Variants in ATG7 observed in about 807,000 individuals in gnomAD.
ATG7 encodes the protein ubiquitin-like modifier-activating enzyme ATG7.
Under a neutral mutation model 82.4 loss-of-function variants are expected in ATG7, and 70 were observed. That is an observed-to-expected ratio of 0.85 (90% CI 0.70 to 1.04). The LOEUF is 1.04. Ranked by LOEUF, ATG7 falls within the 50% of genes least tolerant of loss-of-function variation. ATG7 has a pLI of 0.00. For missense variants in ATG7, 792 were observed against 864.3 expected (o/e 0.92, Z 1.05); for synonymous variants, 287 against 313.0 (o/e 0.92, Z 0.88).
At chr3:11,285,254 A>G (rs960097408) in intron 3 of ATG7, among the ~76,000 whole-genome samples, 1 of 142,090 alleles carries the variant, frequency 7.0e-6, no homozygotes, top group African/African-American at 2.7e-5. Context: ...ATCACGGCTC[A>G]CTGCAGACTC....
chr3:11,514,085 AGTTT>A (rs2092182271), intron 20 of ATG7, among the ~76,000 whole-genome samples: 1 of 152,148 alleles, frequency 6.6e-6, no homozygotes, highest in Non-Finnish European at 1.5e-5. Flanking sequence ...CACTGTGTTT[AGTTT>A]AACACATGAC....
the ATG7 span, chr3:11,565,001 T>C: frequency 6.7e-7 from 1 of 1,501,124 alleles, no homozygotes; most frequent in Non-Finnish European, 8.9e-7. This position sits in a 1 kb window ranked among gnomAD's most constrained non-coding sequence, Gnocchi z 4.1. Context: ...TGCGGCAGTC[T>C]CCATTGGCAG....
At chr3:11,538,676 C>CT (rs1428344899) in intron 20 of ATG7, among the ~76,000 whole-genome samples, 2 of 31,898 alleles carry the variant, frequency 6.3e-5, no homozygotes, top group African/African-American at 1.3e-4. Flanking sequence ...AACTCCGTCT[C>CT]TAAAAAAAAA....
intron 20 of ATG7, among the ~76,000 whole-genome samples, chr3:11,465,223 G>A (rs915328335): frequency 1.3e-5 from 2 of 151,900 alleles, no homozygotes; most frequent in Non-Finnish European, 2.9e-5. Flanking sequence ...TTGGGAGGCC[G>A]AGGCGTGTGG....
Position 11,299,432 on chromosome 3 carries a change from T to C in ATG7, c.215+16T>C. On this transcript the variant is annotated intron_variant, in intron 5 of 20. Coordinates refer to ENST00000693202, the MANE Select transcript of ATG7 (RefSeq NM_001349232.2). ...CTTTTGACATGTGAGTATTTATTTG[T>C]TCAAAATCTGAAGTAAAGAATACTA... The C allele has an allele frequency of 1.2e-5, 19 of 1,600,968 alleles. No homozygotes were observed. Among genetic ancestry groups the C allele is most frequent in the East Asian group, 2.2e-5 (1 of 44,826 alleles).
intron 15 of ATG7, among the ~76,000 whole-genome samples, chr3:11,359,118 A>T (rs1461811243): frequency 6.6e-6 from 1 of 152,152 alleles, no homozygotes; most frequent in East Asian, 1.9e-4. Flanking sequence ...ATAAACATTG[A>T]TATGTATTTT....
chr3:11,552,616 C>T (rs964158326), intron 20 of ATG7, among the ~76,000 whole-genome samples: 8 of 152,184 alleles, frequency 5.3e-5, no homozygotes, highest in Admixed American at 2.0e-4. Flanking sequence ...GTGGAGAGCC[C>T]GTCCCTGCCC....
At chr3:11,562,702 T>C in the ATG7 span, among the ~76,000 whole-genome samples, 3 of 151,876 alleles carry the variant, frequency 2.0e-5, no homozygotes, top group Non-Finnish European at 2.9e-5. Context: ...ATGAATGACA[T>C]GTGCTGACAG....
intron 18 of ATG7, among the ~76,000 whole-genome samples, chr3:11,367,339 C>T (rs1038863912): frequency 3.3e-5 from 5 of 152,110 alleles, no homozygotes; most frequent in Admixed American, 6.5e-5. Context: ...CCTTTGTGTA[C>T]TTTGTATGCA....
rs184064464 is a variant in ATG7, at chr3:11,517,930, G to A, written c.2080-36881G>A. Among the ~76,000 whole-genome samples the A allele has an allele frequency of 1.4e-4, 21 of 152,342 alleles. No homozygotes were observed. In the East Asian group the frequency reaches 3.9e-3, roughly 28 times the overall value. ...TCAGATTCCTACTTCAGAAAGATGG[G>A]CACAGTGTGAGGGATGGATTGGGGT... is the stretch of plus-strand genomic sequence containing the variant. On this transcript the variant is annotated intron_variant, in intron 20 of 20. Coordinates refer to ENST00000693202, the MANE Select transcript of ATG7 (RefSeq NM_001349232.2).
At position 11,422,872 on chromosome 3, in the gene ATG7, A is replaced by G. The variant is rs1158274719; in HGVS notation, c.1957-3932A>G. Among the ~76,000 whole-genome samples the G allele has an allele frequency of 2.8e-5, 4 of 145,322 alleles. No individual in the cohort carries two copies. In the Admixed American group the frequency reaches 3.0e-4, roughly 11 times the overall value. On this transcript the variant is annotated intron_variant, in intron 19 of 20. Coordinates refer to ENST00000693202, the MANE Select transcript of ATG7 (RefSeq NM_001349232.2). ...TGGGTTTAAGTGATTCTCTTGCCTC[A>G]GCTTCCCAGGTAGCTGGGATTACAG...
At chr3:11,306,854 C>T in intron 5 of ATG7, 89 bp from the exon 6 acceptor site, 2 of 950,432 alleles carry the variant, frequency 2.1e-6, no homozygotes, top group Non-Finnish European at 1.7e-6. Flanking sequence ...GAGCAATACC[C>T]TTTTTATCCC....
chr3:11,483,499 A>G (rs2089252424), intron 20 of ATG7, among the ~76,000 whole-genome samples: 1 of 152,044 alleles, frequency 6.6e-6, no homozygotes, highest in Admixed American at 6.6e-5. Context: ...AAGAGGAGTA[A>G]CCACTGCACT....
the ATG7 span, among the ~76,000 whole-genome samples, chr3:11,575,611 C>T: frequency 1.3e-5 from 2 of 152,208 alleles, no homozygotes; most frequent in East Asian, 1.9e-4. Flanking sequence ...CCAGCGGCAG[C>T]CGCTTAAAGA....
chr3:11,306,625 A>C (rs543862867), intron 5 of ATG7, among the ~76,000 whole-genome samples: 17 of 152,352 alleles, frequency 1.1e-4, no homozygotes, highest in African/African-American at 3.8e-4. Flanking sequence ...AACTGTGCAC[A>C]GCTCAACAAA....
intron 20 of ATG7, among the ~76,000 whole-genome samples, chr3:11,541,837 C>G (rs1157925983): frequency 6.6e-6 from 1 of 152,214 alleles, no homozygotes; most frequent in African/African-American, 2.4e-5. Flanking sequence ...GAAATAAGAA[C>G]TACGTAACAG....
chr3:11,495,741 G>A (rs980357718), intron 20 of ATG7, among the ~76,000 whole-genome samples: 1 of 152,144 alleles, frequency 6.6e-6, no homozygotes, highest in African/African-American at 2.4e-5. Flanking sequence ...ATATCACCAA[G>A]TTTCTATTTT....
At chr3:11,495,155 T>A (rs1242228732) in intron 20 of ATG7, among the ~76,000 whole-genome samples, 1 of 152,130 alleles carries the variant, frequency 6.6e-6, no homozygotes, top group African/African-American at 2.4e-5. Flanking sequence ...TATGTGCTCA[T>A]GTAATCAAAG....
intron 20 of ATG7, among the ~76,000 whole-genome samples, chr3:11,553,880 G>A (rs1262695208): frequency 6.6e-6 from 1 of 152,202 alleles, no homozygotes; most frequent in Non-Finnish European, 1.5e-5. Context: ...GGCCAGCCTC[G>A]TGTAAACATG....
Sources: gnomAD v4.1 joint callset for allele counts (sites outside exome capture counted in the v4.1 genomes callset) on GRCh38, gnomAD v4.1.1 for gene constraint, Gnocchi (gnomAD v3.1) non-coding constraint, MANE v1.5 for transcripts, NCBI Gene and HGNC (gene_info 2026-07-23, HGNC 2026-07-21) for gene names.